Variants in NKIRAS1 observed in about 807,000 individuals in gnomAD.
NKIRAS1 encodes the protein NFKB inhibitor interacting Ras like 1.
Under a neutral mutation model 19.8 loss-of-function variants are expected in NKIRAS1, and 16 were observed. The ratio of observed to expected loss-of-function variants is 0.81; its 90% CI spans 0.55 to 1.23. The LOEUF is 1.23. Ranked by LOEUF, NKIRAS1 falls within the 50% of genes most tolerant of loss-of-function variation. The pLI, the probability that NKIRAS1 is intolerant of heterozygous loss-of-function variation, is 0.00. For missense variants in NKIRAS1, 184 were observed against 220.0 expected, an observed-to-expected ratio of 0.84 and a Z score of 1.04; for synonymous variants, 88 against 79.0, an observed-to-expected ratio of 1.11 and a Z score of -0.61.
chr3:23,903,568 A>C (rs1702729086), intron 3 of NKIRAS1, among the ~76,000 whole-genome samples: 1 of 152,224 alleles, frequency 6.6e-6, no homozygotes, highest in Non-Finnish European at 1.5e-5. Context: ...AATCTATCAA[A>C]AAAATAAGAT....
In NKIRAS1 at chr3:23,893,189, G is replaced by A. The variant is rs1362816499; in HGVS notation, c.485C>T (p.Thr162Ile). The A allele has an allele frequency of 6.2e-7, 1 of 1,613,742 alleles. No individual in the cohort carries two copies. Among genetic ancestry groups the A allele is most frequent in the African/African-American group, 1.3e-5 (1 of 74,904 alleles). The stretch of plus-strand genomic sequence containing the variant: ...TTGAGAAAGTTTACTGGCTAATAAA[G>A]TGAATGGTTCAATCAGAGTTTTCCG... ...TDRKTLIEPF[T>I]LLASKLSQPQ... Residue 162 changes from threonine (T) to isoleucine (I), a missense_variant, in exon 5 of 5, where the codon ACT becomes ATT. Transcript: ENST00000425478.
At chr3:23,942,418 G>C (rs1705518402) in intron 1 of NKIRAS1, among the ~76,000 whole-genome samples, 2 of 152,046 alleles carry the variant, frequency 1.3e-5, no homozygotes, top group African/African-American at 4.8e-5. Flanking sequence ...ATCATTCAAA[G>C]CCATAGTTTA....
rs748695867 is a variant in NKIRAS1 at position 23,927,585 on chromosome 3, A to C, written c.-139-16135T>G. On this transcript the variant is annotated intron_variant, in intron 1 of 4. Transcript: ENST00000421515. The surrounding 1 kb of genome is among the most constrained non-coding windows in gnomAD (Gnocchi z 4.0). ...GAACATCTGAACTCATTTATTGGCA[A>C]TTCTCATTGTCATTTGGAGAGAAGT... Among the ~76,000 whole-genome samples the C allele has an allele frequency of 6.6e-6, 1 of 152,200 alleles. No individual in the cohort carries two copies. The highest frequency in any genetic ancestry group is 1.5e-5 in the Non-Finnish European group (1 of 68,042).
chr3:23,940,215 T>TA (rs1221885755), intron 1 of NKIRAS1, among the ~76,000 whole-genome samples: 2 of 149,288 alleles, frequency 1.3e-5, no homozygotes, highest in African/African-American at 5.0e-5. Flanking sequence ...GGTGTGGTGG[T>TA]ACACACCTGT....
In NKIRAS1 at chr3:23,926,241, AG is replaced by A. The variant is rs1428479992; in HGVS notation, c.-139-14792del. Among the ~76,000 whole-genome samples, 1 of 152,058 alleles carries A rather than the reference AG, an allele frequency of 6.6e-6. No homozygotes were observed. The highest frequency in any genetic ancestry group is 1.5e-5 in the Non-Finnish European group (1 of 68,004). On this transcript the variant is annotated intron_variant, in intron 1 of 4. Transcript: ENST00000421515. The surrounding 1 kb of genome is among the most constrained non-coding windows in gnomAD (Gnocchi z 4.3). ...TAATTTTTGTGTTTTTAGTAGAGAC[AG>A]GGTTTCGCCGTGTTGGCCAGGCTGG...
At chr3:23,943,281 G>A (rs1180213678) in intron 1 of NKIRAS1, among the ~76,000 whole-genome samples, 1 of 152,170 alleles carries the variant, frequency 6.6e-6, no homozygotes, top group Non-Finnish European at 1.5e-5. Context: ...TGCCCAGGCT[G>A]GAGTGCAATG....
At chr3:23,910,975 T>C (rs927177653) in intron 2 of NKIRAS1, 54 bp from the exon 3 acceptor site, 1 of 1,313,508 alleles carries the variant, frequency 7.6e-7, no homozygotes, top group Non-Finnish European at 1.1e-6. Flanking sequence ...ATTAACCATT[T>C]CTTTTTCTTT....
chr3:23,918,752 A>G (rs1239390518), upstream of NKIRAS1: 7 of 738,312 alleles, frequency 9.5e-6, no homozygotes, highest in Non-Finnish European at 1.5e-5. Flanking sequence ...TTTGTTACAA[A>G]TGCGTGTGTA....
At chr3:23,895,067 CAG>C (rs1317889421) in intron 4 of NKIRAS1, among the ~76,000 whole-genome samples, 1 of 152,156 alleles carries the variant, frequency 6.6e-6, no homozygotes, top group African/African-American at 2.4e-5. Flanking sequence ...TTTAAAGAGA[CAG>C]GGTCTCTCTG....
chr3:23,934,453 C>T (rs1352012414), intron 1 of NKIRAS1, among the ~76,000 whole-genome samples: 1 of 152,134 alleles, frequency 6.6e-6, no homozygotes, highest in Non-Finnish European at 1.5e-5. Flanking sequence ...ACTGAGTATT[C>T]AGTTATTTGA....
rs1239262471 is a variant in NKIRAS1 at position 23,916,910 on chromosome 3, G to A, written c.-266C>T. Reference sequence around the variant, plus strand: ...TCGCCGACGCTCGCTTAGCCGCCGAGACCTCGCCGCCAACTCTCTCACCTC... The same window carrying A: ...TCGCCGACGCTCGCTTAGCCGCCGAAACCTCGCCGCCAACTCTCTCACCTC... On this transcript the variant is annotated 5_prime_UTR_variant, in exon 1 of 5. Coordinates refer to ENST00000425478, the MANE Select transcript of NKIRAS1 (RefSeq NM_020345.4). 6.5e-6 allele frequency: 1 copy of A among 152,740 alleles called. No homozygotes were observed. The highest frequency in any genetic ancestry group is 2.4e-5 in the African/African-American group (1 of 41,480). 9.5% of individuals were successfully genotyped at this position (152,740 alleles called of 1,614,324 possible).
chr3:23,921,877 A>T (rs1363821381), upstream of NKIRAS1: 9 of 458,680 alleles, frequency 2.0e-5, no homozygotes, highest in Non-Finnish European at 1.9e-5. Context: ...CCCCAGCCCA[A>T]TTTTTATTTT....
chr3:23,900,249 A>G (rs1702378371), intron 4 of NKIRAS1, among the ~76,000 whole-genome samples: 1 of 152,224 alleles, frequency 6.6e-6, no homozygotes, highest in Non-Finnish European at 1.5e-5. Flanking sequence ...GAAGTCATTA[A>G]AATTCAACTT....
chr3:23,908,888 T>C (rs559718593), intron 3 of NKIRAS1, among the ~76,000 whole-genome samples: 2 of 151,484 alleles, frequency 1.3e-5, no homozygotes, highest in Admixed American at 6.6e-5. Flanking sequence ...TTGTTTTTAG[T>C]GGAGATGAGG....
At position 23,892,962 on chromosome 3, in the gene NKIRAS1, G is replaced by T; in HGVS notation, c.*133C>A. On this transcript the variant is annotated 3_prime_UTR_variant, in exon 5 of 5. Coordinates refer to ENST00000425478, the MANE Select transcript of NKIRAS1 (RefSeq NM_020345.4). ...TTTTAACATCTAAAGTGCATTAATT[G>T]ACTTCCTTAGGAATTTTCCTAAGGA... 2 of 845,056 alleles carry T rather than the reference G, an allele frequency of 2.4e-6. No individual in the cohort carries two copies. The highest frequency in any genetic ancestry group is 3.4e-6 in the Non-Finnish European group (2 of 582,508). 52.3% of individuals were successfully genotyped at this position (845,056 alleles called of 1,614,324 possible).
intron 1 of NKIRAS1, among the ~76,000 whole-genome samples, chr3:23,934,777 C>T (rs1452898551): frequency 6.6e-6 from 1 of 151,716 alleles, no homozygotes; most frequent in Admixed American, 6.6e-5. Flanking sequence ...AAAATAAAGC[C>T]TTTTTCAGAG....
At chr3:23,918,406 T>C, upstream of NKIRAS1, 2 of 1,605,664 alleles carry the variant, frequency 1.2e-6, no homozygotes, top group South Asian at 1.1e-5. Flanking sequence ...CGGCTTCCTA[T>C]AAAATCACTA....
At chr3:23,893,431 C>T in intron 4 of NKIRAS1, 94 bp from the exon 5 acceptor site, 1 of 1,047,076 alleles carries the variant, frequency 9.6e-7, no homozygotes, top group Non-Finnish European at 1.4e-6. Flanking sequence ...TTCCACTTAA[C>T]AAACCTGCTT....
intron 4 of NKIRAS1, among the ~76,000 whole-genome samples, chr3:23,900,530 G>C (rs1211137169): frequency 6.6e-6 from 1 of 151,770 alleles, no homozygotes; most frequent in Non-Finnish European, 1.5e-5. Context: ...AGCTACTTGG[G>C]AGGCTGAGGC....
Sources: gnomAD v4.1 joint callset for allele counts (sites outside exome capture counted in the v4.1 genomes callset) on GRCh38, gnomAD v4.1.1 for gene constraint, Gnocchi (gnomAD v3.1) non-coding constraint, MANE v1.5 for transcripts, NCBI Gene and HGNC (gene_info 2026-07-23, HGNC 2026-07-21) for gene names.